The following PTPRR variants were observed in gnomAD, a reference collection of about 807,000 sequenced individuals.
PTPRR encodes protein tyrosine phosphatase receptor type R.
Under a neutral mutation model 77.2 loss-of-function variants are expected in PTPRR, and 38 were observed. The observed-to-expected ratio is 0.49, with a 90% CI of 0.38 to 0.65. The LOEUF (loss-of-function observed/expected upper bound fraction) is 0.65. Ranked by LOEUF, PTPRR falls within the 30% of genes least tolerant of loss-of-function variation. PTPRR has a pLI of 0.00. For missense variants in PTPRR, 744 were observed against 799.2 expected, an observed-to-expected ratio of 0.93 and a Z score of 0.83; for synonymous variants, 299 against 283.1, an observed-to-expected ratio of 1.06 and a Z score of -0.57.
intron 2 of PTPRR, among the ~76,000 whole-genome samples, chr12:70,840,536 T>C (rs1171995951): frequency 6.6e-6 from 1 of 152,198 alleles, no homozygotes; most frequent in Non-Finnish European, 1.5e-5. Context: ...CAGCCACTTT[T>C]GAGCTAAGTA....
intron 13 of PTPRR, among the ~76,000 whole-genome samples, chr12:70,654,724 A>G (rs1455783559): frequency 1.3e-5 from 2 of 152,204 alleles, no homozygotes; most frequent in Non-Finnish European, 2.9e-5. Flanking sequence ...TATAAATTCT[A>G]AGAGAGCAGA....
intron 10 of PTPRR, chr12:70,672,760 G>C: frequency 6.4e-7 from 1 of 1,555,628 alleles, no homozygotes; most frequent in East Asian, 2.6e-5. Flanking sequence ...GACCTCCCCA[G>C]GTGTTGGTGT....
At chr12:70,771,729 C>T (rs1592748314) in intron 2 of PTPRR, among the ~76,000 whole-genome samples, 1 of 152,080 alleles carries the variant, frequency 6.6e-6, no homozygotes, top group African/African-American at 2.4e-5. Context: ...TTTCAGTTAT[C>T]CATCTTCAAT....
chr12:70,809,833 T>C (rs1309608136), intron 2 of PTPRR, among the ~76,000 whole-genome samples: 2 of 152,168 alleles, frequency 1.3e-5, no homozygotes, highest in African/African-American at 4.8e-5. Context: ...TAAATAAACA[T>C]TATGTAAAGT....
chr12:70,726,384 A>G (rs375022470), intron 6 of PTPRR, among the ~76,000 whole-genome samples: 2 of 152,040 alleles, frequency 1.3e-5, no homozygotes, highest in South Asian at 2.1e-4. Flanking sequence ...CTCATGGCCA[A>G]TTGGATGCCC....
chr12:70,780,548 T>C (rs911220162), intron 2 of PTPRR, among the ~76,000 whole-genome samples: 1 of 152,142 alleles, frequency 6.6e-6, no homozygotes, highest in Non-Finnish European at 1.5e-5. Context: ...TTTTTAGTGT[T>C]AGTTTTTTTC....
intron 1 of PTPRR, among the ~76,000 whole-genome samples, chr12:70,919,966 G>C (rs1893831764): frequency 6.6e-6 from 1 of 151,896 alleles, no homozygotes; most frequent in Non-Finnish European, 1.5e-5. Flanking sequence ...CAGTAGAAAA[G>C]GTTACATCTA....
intron 6 of PTPRR, among the ~76,000 whole-genome samples, chr12:70,719,557 TA>T (rs1565664420): frequency 2.6e-5 from 4 of 151,866 alleles, no homozygotes; most frequent in Non-Finnish European, 5.9e-5. Flanking sequence ...ATCATTTTTT[TA>T]AAAAAATAAT....
At chr12:70,668,294 GAGCAGC>G (rs1442980803) in intron 10 of PTPRR, among the ~76,000 whole-genome samples, 1 of 152,090 alleles carries the variant, frequency 6.6e-6, no homozygotes, top group Non-Finnish European at 1.5e-5. Flanking sequence ...GGAGGAGGAG[GAGCAGC>G]AGCAGCTTGG....
At chr12:70,641,823 G>A (rs1365109119) in intron 13 of PTPRR, among the ~76,000 whole-genome samples, 1 of 152,114 alleles carries the variant, frequency 6.6e-6, no homozygotes, top group Non-Finnish European at 1.5e-5. Flanking sequence ...TCACCGCATT[G>A]GTCCAACTGA....
At chr12:70,669,627 C>G (rs1039244346) in intron 10 of PTPRR, among the ~76,000 whole-genome samples, 5 of 151,450 alleles carry the variant, frequency 3.3e-5, no homozygotes, top group African/African-American at 1.2e-4. Context: ...TGCAGTGGCA[C>G]GATCATAGCT....
At chr12:70,662,688 T>A in intron 10 of PTPRR, 83 bp from the exon 11 acceptor site, 1 of 661,688 alleles carries the variant, frequency 1.5e-6, no homozygotes, top group Non-Finnish European at 2.6e-6. Flanking sequence ...ATCTCAAGAG[T>A]TTTATATCAT....
chr12:70,640,054 C>A (rs1480310550), intron 13 of PTPRR, among the ~76,000 whole-genome samples: 1 of 152,268 alleles, frequency 6.6e-6, no homozygotes, highest in Non-Finnish European at 1.5e-5. Context: ...TGCCCAGCAC[C>A]CTCCTTGTCA....
At chr12:70,781,360 T>G (rs995400896) in intron 2 of PTPRR, among the ~76,000 whole-genome samples, 1 of 152,208 alleles carries the variant, frequency 6.6e-6, no homozygotes, top group African/African-American at 2.4e-5. Context: ...AAGAGGTTTC[T>G]CAACAGAGCC....
At chr12:70,796,805 G>A (rs1231525215) in intron 2 of PTPRR, among the ~76,000 whole-genome samples, 1 of 152,118 alleles carries the variant, frequency 6.6e-6, no homozygotes, top group Non-Finnish European at 1.5e-5. Flanking sequence ...TGAGGCAGGT[G>A]GATTATCAGG....
At chr12:70,767,826 A>G (rs1368581871) in intron 2 of PTPRR, among the ~76,000 whole-genome samples, 3 of 152,266 alleles carry the variant, frequency 2.0e-5, no homozygotes, top group Admixed American at 2.0e-4. Context: ...CTCAGACCAC[A>G]GTGCAATCAA....
intron 6 of PTPRR, among the ~76,000 whole-genome samples, chr12:70,728,439 G>A (rs1303022912): frequency 7.4e-6 from 1 of 134,326 alleles, no homozygotes; most frequent in African/African-American, 2.7e-5. Context: ...AACCTGTACT[G>A]GGTTATTCAA....
chr12:70,800,765 C>T (rs754179003), intron 2 of PTPRR, among the ~76,000 whole-genome samples: 2 of 151,956 alleles, frequency 1.3e-5, no homozygotes, highest in Non-Finnish European at 2.9e-5. Flanking sequence ...TGTGGTGACA[C>T]GTGCCTGTAA....
rs558691728 is a variant in PTPRR, at chr12:70,793,851, A to T, written c.358-29073T>A. Among the ~76,000 whole-genome samples, 168 of 152,350 alleles carry T rather than the reference A, an allele frequency of 1.1e-3. 1 individual carries two copies. The highest frequency in any genetic ancestry group is 2.1e-3 in the Non-Finnish European group (142 of 68,032). ...AAAAATACTGTATTGACATAGTTAA[A>T]TTCCCAGGACCCTCAGTTCTTTAGG... On this transcript the variant is annotated intron_variant, in intron 2 of 13. Coordinates refer to ENST00000283228, the MANE Select transcript of PTPRR (RefSeq NM_002849.4).
Sources: gnomAD v4.1 joint callset for allele counts (sites outside exome capture counted in the v4.1 genomes callset) on GRCh38, gnomAD v4.1.1 for gene constraint, MANE v1.5 for transcripts, NCBI Gene and HGNC (gene_info 2026-07-23, HGNC 2026-07-21) for gene names.